PRDX2: variants seen among roughly 807,000 people sequenced by gnomAD.
PRDX2 encodes the protein peroxiredoxin 2.
A neutral mutation model predicts 19.8 loss-of-function variants in PRDX2; 10 were observed. The ratio of observed to expected loss-of-function variants is 0.50; its 90% CI spans 0.31 to 0.86. The LOEUF (loss-of-function observed/expected upper bound fraction) is 0.86, where lower values mean the gene tolerates loss of function less well. Among genes scored for constraint, PRDX2 ranks in the 40% least tolerant of loss-of-function variants. PRDX2 has a pLI of 0.04. For synonymous variants in PRDX2, 118 were observed against 108.2 expected (o/e 1.09, Z -0.56); for missense variants, 226 against 260.1 (o/e 0.87, Z 0.90).
At chr19:12,800,071 T>C in intron 4 of PRDX2, 82 bp from the exon 5 acceptor site, 2 of 1,599,640 alleles carry the variant, frequency 1.3e-6, no homozygotes, top group Non-Finnish European at 1.7e-6. Flanking sequence ...CACCCGCTGC[T>C]AGCCACAGGG....
chr19:12,798,930 C>T (rs1968841278), intron 5 of PRDX2, among the ~76,000 whole-genome samples: 1 of 151,980 alleles, frequency 6.6e-6, no homozygotes, highest in South Asian at 2.1e-4. Flanking sequence ...GAGATGGAGT[C>T]TCACACTGGC....
At chr19:12,800,018 G>A (rs749314464) in intron 4 of PRDX2, 29 bp from the exon 5 acceptor site, 34 of 1,611,158 alleles carry the variant, frequency 2.1e-5, no homozygotes, top group Non-Finnish European at 2.7e-5. Context: ...CCAGTGAGGA[G>A]CTGATAGCTC....
Position 12,801,228 on chromosome 19 carries a change from C to T in PRDX2, c.34G>A (p.Ala12Thr), listed in dbSNP as rs150215733. The T allele has an allele frequency of 1.1e-5, 17 of 1,613,884 alleles. No homozygotes were observed. The African/African-American group carries it at 2.3e-4, about 22-fold the overall frequency. ...ACCGCTGTGGCCTTGAAGTCAGGGGCTGGCTTTCCGATGCGCGCGTTACCG... is the reference window on the plus strand; with the variant it reads ...ACCGCTGTGGCCTTGAAGTCAGGGGTTGGCTTTCCGATGCGCGCGTTACCG... ...ASGNARIGKP[A>T]PDFKATAVVD... is the part of the protein sequence containing the mutation. The change falls in exon 2 of 6, where the codon GCC becomes ACC. Residue 12 changes from alanine (A) to threonine (T), a missense_variant. Transcript: ENST00000301522.
In PRDX2 at chr19:12,799,943, C is replaced by T. The variant is rs1273906389; in HGVS notation, c.427G>A (p.Val143Ile). ...GAGCGTCCCACAGGCAAATCATTAACAGTGATCTGGCGAAGGACACCCTTG... is the reference window on the plus strand; with the variant it reads ...GAGCGTCCCACAGGCAAATCATTAATAGTGATCTGGCGAAGGACACCCTTG... The part of the protein sequence containing the change: ...DGKGVLRQIT[V>I]NDLPVGRSVD... The change falls in exon 5 of 6, where the codon GTT becomes ATT. Residue 143 changes from valine (V) to isoleucine (I), a missense_variant. Physicochemically the swap from Val to Ile is conservative, Grantham distance 29. Coordinates refer to ENST00000301522, the MANE Select transcript of PRDX2 (RefSeq NM_005809.6). 2 of 1,614,092 alleles carry T rather than the reference C, an allele frequency of 1.2e-6. No individual in the cohort carries two copies. The highest frequency in any genetic ancestry group is 8.5e-7 in the Non-Finnish European group (1 of 1,180,004).
At position 12,800,987 on chromosome 19, in the gene PRDX2, T is replaced by C; in HGVS notation, c.186A>G (p.Ala62=). Residue 62 remains alanine, a synonymous_variant, in exon 3 of 6, where the codon GCA becomes GCG. Transcript: ENST00000301522. ...PTEIIAFSNR[A]EDFRKLGCEV... ...CACAGCCCAGCTTGCGGAAGTCCTC[T>C]GCACGGTTGCTGAACGCGATGATCT... The C allele has an allele frequency of 1.2e-6, 2 of 1,612,174 alleles. No homozygotes were observed. Among genetic ancestry groups the C allele is most frequent in the Non-Finnish European group, 8.5e-7 (1 of 1,179,836 alleles).
rs765926657 is a variant in PRDX2 at position 12,797,124 on chromosome 19, G to A, written c.554C>T (p.Pro185Leu). 1.2e-6 allele frequency: 2 copies of A among 1,614,012 alleles called. No homozygotes were observed. Among genetic ancestry groups the A allele is most frequent in the African/African-American group, 1.3e-5 (1 of 74,902 alleles). ...GWKPGSDTIK[P>L]NVDDSKEYFS... Reference sequence around the variant, plus strand: ...ATATTCCTTGCTGTCATCCACGTTGGGCTTAATCGTGTCACTGCCAGGCTT... The same window carrying A: ...ATATTCCTTGCTGTCATCCACGTTGAGCTTAATCGTGTCACTGCCAGGCTT... The change falls in exon 6 of 6, where the codon CCC (proline) becomes CTC (leucine). Residue 185 changes from proline to leucine, a missense_variant. Transcript: ENST00000301522.
chr19:12,800,288 G>T lies in PRDX2; in HGVS notation c.269C>A (p.Pro90His), dbSNP rs985680884. The T allele has an allele frequency of 6.2e-7, 1 of 1,612,730 alleles. No individual in the cohort carries two copies. The highest frequency in any genetic ancestry group is 1.7e-5 in the Admixed American group (1 of 59,930). The change falls in exon 4 of 6, where the codon CCC becomes CAC. Residue 90 changes from proline (P) to histidine (H), a missense_variant. Physicochemically the swap from Pro to His is moderately conservative, Grantham distance 77. Coordinates refer to ENST00000301522, the MANE Select transcript of PRDX2 (RefSeq NM_005809.6). ...GGGGCCCAAGCCTCCCTCTTTCCGG[G>T]GGGTGTTGATCCTGGGAGTAGGGGA... The part of the protein sequence containing the change: ...QFTHLAWINT[P>H]RKEGGLGPLN...
Position 12,799,872 on chromosome 19 carries a change from G to A in PRDX2, c.498C>T (p.Asp166=), listed in dbSNP as rs140489284. The change falls in exon 5 of 6, where the codon GAC becomes GAT. Residue 166 remains aspartate, a synonymous_variant. Transcript: ENST00000301522. The part of the protein sequence containing the change: ...LRLVQAFQYT[D]EHGEVCPAGW... ...GTATCTGCTCACCTTCCCCATGCTC[G>A]TCTGTGTACTGGAAGGCCTGGACCA... 2.4e-5 allele frequency: 39 copies of A among 1,612,628 alleles called. No individual in the cohort carries two copies. Among genetic ancestry groups the A allele is most frequent in the African/African-American group, 4.0e-5 (3 of 74,972 alleles).
At chr19:12,799,540 C>T (rs542033811) in intron 5 of PRDX2, 135 of 225,134 alleles carry the variant, frequency 6.0e-4, no homozygotes, top group Non-Finnish European at 1.0e-3. Flanking sequence ...TTGTGTTCTT[C>T]GTAGAGACGG....
In PRDX2 at chr19:12,797,427, G is replaced by A. The variant is rs183869754; in HGVS notation, c.512-261C>T. ...CAACCTCTCCCTCCTGGGTTCAAGCGATTCTCATGCCCCAGACTCCCTAGC... is the reference window on the plus strand; with the variant it reads ...CAACCTCTCCCTCCTGGGTTCAAGCAATTCTCATGCCCCAGACTCCCTAGC... On this transcript the variant is annotated intron_variant, in intron 5 of 5. Coordinates refer to ENST00000301522, the MANE Select transcript of PRDX2 (RefSeq NM_005809.6). 1.8e-4 allele frequency among the ~76,000 whole-genome samples: 27 copies of A among 151,032 alleles called. No homozygotes were observed. The East Asian group carries it at 4.1e-3, about 23-fold the overall frequency.
At position 12,797,060 on chromosome 19, in the gene PRDX2, G is replaced by A. The variant is rs778203895; in HGVS notation, c.*21C>T. 6.2e-7 allele frequency: 1 copy of A among 1,612,734 alleles called. No individual in the cohort carries two copies. The highest frequency in any genetic ancestry group is 1.1e-5 in the South Asian group (1 of 90,954). On this transcript the variant is annotated 3_prime_UTR_variant, in exon 6 of 6. Transcript: ENST00000301522. ...CACAGGCACCTAGGCAGGGGCACAA[G>A]CTCACTATCCGTTAGCCAGCCTAAT... is the stretch of plus-strand genomic sequence containing the variant.
chr19:12,800,363 T>G, intron 3 of PRDX2, 64 bp from the exon 4 acceptor site: 2 of 1,562,750 alleles, frequency 1.3e-6, no homozygotes, highest in Non-Finnish European at 1.7e-6. Flanking sequence ...CCTCACCCTG[T>G]GGGCCCAATG....
intron 5 of PRDX2, among the ~76,000 whole-genome samples, chr19:12,797,837 T>G (rs1166931648): frequency 6.6e-6 from 1 of 150,768 alleles, no homozygotes; most frequent in East Asian, 2.0e-4. Flanking sequence ...TTTTGGTACT[T>G]TTAGCAGAGA....
Position 12,797,017 on chromosome 19 carries a change from GC to G in PRDX2, c.*63del. 1 of 1,551,138 alleles carries G rather than the reference GC, an allele frequency of 6.4e-7. No individual in the cohort carries two copies. The highest frequency in any genetic ancestry group is 1.1e-5 in the South Asian group (1 of 88,228). On this transcript the variant is annotated 3_prime_UTR_variant, in exon 6 of 6. Coordinates refer to ENST00000301522, the MANE Select transcript of PRDX2 (RefSeq NM_005809.6). ...GTCAGCATAGGGCACCCAGGTGGGG[GC>G]ACAGGTGGACACCCAGCACAGGCAC...
chr19:12,798,402 A>G (rs554145385), intron 5 of PRDX2, among the ~76,000 whole-genome samples: 1 of 150,652 alleles, frequency 6.6e-6, no homozygotes, highest in Non-Finnish European at 1.5e-5. Context: ...CCCAGGCTGG[A>G]GTGCAATGGC....
chr19:12,800,939 G>A lies in PRDX2; in HGVS notation c.234C>T (p.Asp78=). Residue 78 remains aspartate, a synonymous_variant, in exon 3 of 6, where the codon GAC becomes GAT. Coordinates refer to ENST00000301522, the MANE Select transcript of PRDX2 (RefSeq NM_005809.6). ...LGCEVLGVSV[D]SQFTHLAWIN... ...ACCAAGCCAGGTGGGTGAACTGAGA[G>A]TCCACCGAGACGCCCAGCACTTCAC... The A allele has an allele frequency of 6.2e-7, 1 of 1,611,048 alleles. No individual in the cohort carries two copies. The highest frequency in any genetic ancestry group is 8.5e-7 in the Non-Finnish European group (1 of 1,179,370).
chr19:12,800,225 A>G lies in PRDX2; in HGVS notation c.332T>C (p.Leu111Ser), dbSNP rs1278398457. The G allele has an allele frequency of 3.1e-6, 5 of 1,613,790 alleles. No individual in the cohort carries two copies. The highest frequency in any genetic ancestry group is 1.3e-5 in the African/African-American group (1 of 75,008). ...TTTCAGCACGCCGTAATCCTCAGAC[A>G]AGCGTCTGGTCACGTCAGCAAGCAG... ...IPLLADVTRR[L>S]SEDYGVLKTD... The change falls in exon 4 of 6, where the codon TTG becomes TCG. Residue 111 changes from leucine (L) to serine (S), a missense_variant. By Grantham distance (145) the Leu-to-Ser change is moderately radical. Transcript: ENST00000301522.
intron 5 of PRDX2, among the ~76,000 whole-genome samples, chr19:12,798,406 C>T (rs1266277399): frequency 6.6e-6 from 1 of 151,570 alleles, no homozygotes; most frequent in African/African-American, 2.4e-5. Context: ...GGCTGGAGTG[C>T]AATGGCACGA....
chr19:12,798,941 G>T (rs1220294287), intron 5 of PRDX2, among the ~76,000 whole-genome samples: 1 of 151,738 alleles, frequency 6.6e-6, no homozygotes, highest in Non-Finnish European at 1.5e-5. Context: ...TCACACTGGC[G>T]CCCAGGCTGG....
Sources: allele counts gnomAD v4.1 joint callset (sites outside exome capture counted in the v4.1 genomes callset), GRCh38; gene constraint gnomAD v4.1.1; transcripts MANE v1.5; gene names NCBI Gene and HGNC (gene_info 2026-07-23, HGNC 2026-07-21).